FOXJ3: variants seen among roughly 807,000 people sequenced by gnomAD.
The protein encoded by FOXJ3 is forkhead box protein J3.
In FOXJ3, 22 loss-of-function variants were observed where a neutral mutation model predicts 76.1. The ratio of observed to expected loss-of-function variants is 0.29; its 90% confidence interval spans 0.21 to 0.41. FOXJ3 has a LOEUF of 0.41. Ranked by LOEUF, FOXJ3 falls within the 10% of genes least tolerant of loss-of-function variation. The pLI is 1.00. For synonymous variants in FOXJ3, 269 were observed against 261.2 expected (o/e 1.03, Z -0.29); for missense variants, 613 against 762.1 (o/e 0.80, Z 2.30).
intron 4 of FOXJ3, among the ~76,000 whole-genome samples, chr1:42,257,791 G>C (rs1342827519): frequency 6.7e-6 from 1 of 150,328 alleles, no homozygotes; most frequent in Non-Finnish European, 1.5e-5. Context: ...ATGTGTCAAA[G>C]ATCAACAATA....
At chr1:42,217,595 T>C (rs1473970723) in intron 5 of FOXJ3, among the ~76,000 whole-genome samples, 2 of 151,916 alleles carry the variant, frequency 1.3e-5, no homozygotes, top group Non-Finnish European at 2.9e-5. Context: ...ACTGGAAGCA[T>C]CCATGTCTCT....
At chr1:42,201,939 A>C (rs762760482) in intron 6 of FOXJ3, among the ~76,000 whole-genome samples, 6 of 152,112 alleles carry the variant, frequency 3.9e-5, no homozygotes, top group Non-Finnish European at 8.8e-5. Flanking sequence ...AGTTTTGATA[A>C]GTCATTTTTT....
intron 11 of FOXJ3, among the ~76,000 whole-genome samples, chr1:42,183,056 C>T (rs1337457930): frequency 6.7e-6 from 1 of 150,018 alleles, no homozygotes; most frequent in Non-Finnish European, 1.5e-5. Flanking sequence ...GGGCAGATCA[C>T]CTGAGGTCAC....
intron 1 of FOXJ3, among the ~76,000 whole-genome samples, chr1:42,312,479 C>A (rs1333833043): frequency 6.6e-6 from 1 of 152,212 alleles, no homozygotes; most frequent in Admixed American, 6.5e-5. Flanking sequence ...CCTGCATACA[C>A]TGAAGAGAGA....
chr1:42,235,535 A>G lies in FOXJ3; in HGVS notation c.445-7569T>C, dbSNP rs12128647. On this transcript the variant is annotated intron_variant, in intron 4 of 12. Transcript: ENST00000361346. ...AGACTGGAGCTGTTCCTATTCGGCC[A>G]TCTTGGCTCCACCCGTTTTTTTTTG... Among the ~76,000 whole-genome samples, 1,370 of 150,752 alleles carry G rather than the reference A, an allele frequency of 9.1e-3. 15 individuals are homozygous for G. The highest frequency in any genetic ancestry group is 0.021 in the Middle Eastern group (6 of 288).
chr1:42,179,969 G>T (rs1646285339), intron 12 of FOXJ3, 144 bp from the exon 13 acceptor site: 3 of 593,718 alleles, frequency 5.1e-6, no homozygotes, highest in Non-Finnish European at 9.1e-6. Flanking sequence ...TGGCTCTTAT[G>T]ATCCTTATTT....
chr1:42,243,612 T>C (rs185097111), intron 4 of FOXJ3, among the ~76,000 whole-genome samples: 4 of 151,854 alleles, frequency 2.6e-5, no homozygotes, highest in Admixed American at 2.6e-4. Flanking sequence ...CCAAGATAAG[T>C]AGAGACAGTT....
chr1:42,251,353 T>A (rs751570465), intron 4 of FOXJ3, among the ~76,000 whole-genome samples: 1 of 152,090 alleles, frequency 6.6e-6, no homozygotes, highest in Non-Finnish European at 1.5e-5. Context: ...CAGGAATCCA[T>A]ACCCAGAAAA....
At chr1:42,316,615 T>C (rs1230013244) in intron 1 of FOXJ3, among the ~76,000 whole-genome samples, 1 of 152,146 alleles carries the variant, frequency 6.6e-6, no homozygotes, top group Non-Finnish European at 1.5e-5. Context: ...CTGTGTGACC[T>C]TGGATATGTT....
intron 11 of FOXJ3, among the ~76,000 whole-genome samples, chr1:42,185,078 G>A (rs376156119): frequency 5.8e-4 from 88 of 152,018 alleles, no homozygotes; most frequent in African/African-American, 1.9e-3. Context: ...GAAAACAGAC[G>A]TGACATGATC....
intron 3 of FOXJ3, among the ~76,000 whole-genome samples, chr1:42,270,313 TG>T (rs1319636224): frequency 6.6e-6 from 1 of 152,200 alleles, no homozygotes; most frequent in Non-Finnish European, 1.5e-5. Context: ...CCTTTGCAAT[TG>T]TTTGTTTAAT....
intron 11 of FOXJ3, 64 bp downstream of exon 11, chr1:42,188,673 A>G: frequency 8.8e-7 from 1 of 1,134,638 alleles, no homozygotes; most frequent in Non-Finnish European, 1.2e-6. Context: ...GTTGGTTAAG[A>G]CAGTTACTAA....
chr1:42,245,987 T>G (rs148635464), intron 4 of FOXJ3, among the ~76,000 whole-genome samples: 330 of 152,222 alleles, frequency 2.2e-3, no homozygotes, highest in Non-Finnish European at 3.7e-3. Context: ...TGCTCCTATA[T>G]CTCACCATAA....
chr1:42,194,622 A>G (rs552209366), intron 8 of FOXJ3, among the ~76,000 whole-genome samples: 1 of 152,350 alleles, frequency 6.6e-6, no homozygotes, highest in South Asian at 2.1e-4. Context: ...CATATGGTAT[A>G]GATGCAGTGT....
intron 4 of FOXJ3, among the ~76,000 whole-genome samples, chr1:42,252,909 G>A (rs1650219372): frequency 6.7e-6 from 1 of 150,324 alleles, no homozygotes; most frequent in Non-Finnish European, 1.5e-5. Context: ...GCACAAGACA[G>A]GGATGCCCTC....
chr1:42,289,001 GTTAT>G lies in FOXJ3; in HGVS notation c.45-10333_45-10330del, dbSNP rs1214047020. On this transcript the variant is annotated intron_variant, in intron 2 of 12. Coordinates refer to ENST00000361346, the MANE Select transcript of FOXJ3 (RefSeq NM_014947.5). ...TATGCTGTACACTACGGAGACTTTTGTTATTTTTTATGTGAATATTTTAAATTTT... is the reference window on the plus strand; with the variant it reads ...TATGCTGTACACTACGGAGACTTTTGTTTTTATGTGAATATTTTAAATTTT... Among the ~76,000 whole-genome samples, 3 of 151,856 alleles carry G rather than the reference GTTAT, an allele frequency of 2.0e-5. No individual in the cohort carries two copies. The East Asian group carries it at 5.8e-4, about 29-fold the overall frequency.
At chr1:42,191,926 G>A (rs1339193222) in intron 8 of FOXJ3, among the ~76,000 whole-genome samples, 1 of 152,182 alleles carries the variant, frequency 6.6e-6, no homozygotes, top group African/African-American at 2.4e-5. Flanking sequence ...GGAAGAGAAA[G>A]ACAAGATTAT....
intron 4 of FOXJ3, among the ~76,000 whole-genome samples, chr1:42,232,878 G>C (rs1648276591): frequency 6.6e-6 from 1 of 152,192 alleles, no homozygotes; most frequent in Non-Finnish European, 1.5e-5. Context: ...CCATGCCAAT[G>C]TCCTGAATGG....
chr1:42,328,013 CA>C (rs1025919783), intron 1 of FOXJ3, among the ~76,000 whole-genome samples: 2 of 152,124 alleles, frequency 1.3e-5, no homozygotes, highest in African/African-American at 4.8e-5. Flanking sequence ...AATTCCCACC[CA>C]GGCCAGGCCT....
Sources: allele counts gnomAD v4.1 joint callset (sites outside exome capture counted in the v4.1 genomes callset), GRCh38; gene constraint gnomAD v4.1.1; transcripts MANE v1.5; gene names NCBI Gene and HGNC (gene_info 2026-07-23, HGNC 2026-07-21).